QTMAN: variants seen among roughly 807,000 people sequenced by gnomAD.
The protein encoded by QTMAN is queuosine-tRNA mannosyltransferase, also known as tRNA-queuosine alpha-mannosyltransferase.
the QTMAN span, among the ~76,000 whole-genome samples, chr2:143,976,231 C>T: frequency 1.3e-5 from 2 of 151,992 alleles, no homozygotes; most frequent in Non-Finnish European, 2.9e-5. Context: ...AGAGTTGGTG[C>T]CTTCAGCCCA....
the QTMAN span, among the ~76,000 whole-genome samples, chr2:144,199,047 T>C: frequency 6.6e-6 from 1 of 151,068 alleles, no homozygotes; most frequent in African/African-American, 2.4e-5. Flanking sequence ...CTCTGTACTG[T>C]ACTTTTTTTT....
At chr2:144,232,567 A>T in the QTMAN span, among the ~76,000 whole-genome samples, 3 of 152,280 alleles carry the variant, frequency 2.0e-5, no homozygotes, top group African/African-American at 7.2e-5. Flanking sequence ...TATTGCCAAA[A>T]ATCATTGACA....
chr2:144,246,831 C>T, the QTMAN span, among the ~76,000 whole-genome samples: 1 of 152,094 alleles, frequency 6.6e-6, no homozygotes, highest in Admixed American at 6.5e-5. Flanking sequence ...CATCCTTATA[C>T]CCAGACATTC....
chr2:144,046,526 C>G, the QTMAN span, among the ~76,000 whole-genome samples: 86 of 152,310 alleles, frequency 5.6e-4, no homozygotes, highest in African/African-American at 2.0e-3. Flanking sequence ...GCGCATGCCA[C>G]CATGGCTGGC....
At chr2:143,977,715 T>C in the QTMAN span, among the ~76,000 whole-genome samples, 11 of 152,210 alleles carry the variant, frequency 7.2e-5, no homozygotes, top group African/African-American at 2.6e-4. Context: ...CTGCTTGAGA[T>C]TTCTATCATC....
the QTMAN span, among the ~76,000 whole-genome samples, chr2:144,131,268 C>G: frequency 5.9e-5 from 9 of 151,870 alleles, no homozygotes; most frequent in East Asian, 1.7e-3. Flanking sequence ...TTTCTCAATT[C>G]CAATAGCACA....
the QTMAN span, among the ~76,000 whole-genome samples, chr2:144,151,941 C>T: frequency 1.8e-3 from 272 of 152,254 alleles, no homozygotes; most frequent in African/African-American, 5.9e-3. Context: ...CACTGCCTAA[C>T]AAAATGTTTC....
At chr2:144,325,163 A>T in the QTMAN span, among the ~76,000 whole-genome samples, 2 of 152,346 alleles carry the variant, frequency 1.3e-5, no homozygotes, top group East Asian at 3.9e-4. Context: ...CCTCAATCCC[A>T]TATCTTTTAT....
chr2:144,055,130 T>C, the QTMAN span, among the ~76,000 whole-genome samples: 1 of 152,136 alleles, frequency 6.6e-6, no homozygotes, highest in Non-Finnish European at 1.5e-5. Flanking sequence ...TTTCAGTCCC[T>C]TGAGCTGGAA....
chr2:143,959,096 T>C, the QTMAN span, among the ~76,000 whole-genome samples: 1 of 152,084 alleles, frequency 6.6e-6, no homozygotes, highest in Non-Finnish European at 1.5e-5. Flanking sequence ...ACACCAACTA[T>C]GTCCTTAGTA....
chr2:144,276,746 T>C, the QTMAN span, among the ~76,000 whole-genome samples: 3 of 152,174 alleles, frequency 2.0e-5, no homozygotes, highest in Non-Finnish European at 4.4e-5. Flanking sequence ...ACTGGTTAAG[T>C]GGTAGGGATT....
At chr2:144,222,829 G>A in the QTMAN span, among the ~76,000 whole-genome samples, 1 of 152,010 alleles carries the variant, frequency 6.6e-6, no homozygotes, top group African/African-American at 2.4e-5. Flanking sequence ...AAGAAAGCTG[G>A]AAAATGTTAT....
chr2:144,258,756 T>A, the QTMAN span, among the ~76,000 whole-genome samples: 2 of 151,898 alleles, frequency 1.3e-5, no homozygotes, highest in Admixed American at 6.6e-5. Flanking sequence ...AAGAAATGAA[T>A]CAAACTAAAG....
At chr2:144,073,079 A>C in the QTMAN span, among the ~76,000 whole-genome samples, 1 of 152,098 alleles carries the variant, frequency 6.6e-6, no homozygotes, top group Non-Finnish European at 1.5e-5. Context: ...GTCAAACAGC[A>C]CTGTATGCAT....
chr2:143,978,644 G>A, the QTMAN span, among the ~76,000 whole-genome samples: 1,535 of 152,284 alleles, frequency 0.01, 28 homozygotes, highest in African/African-American at 0.035. Context: ...CTCCTGGGAT[G>A]TTACTTAAGC....
chr2:144,049,585 G>A, the QTMAN span, among the ~76,000 whole-genome samples: 8,831 of 152,052 alleles, frequency 0.058, 867 homozygotes, highest in African/African-American at 0.2. Flanking sequence ...ATCCAAACTT[G>A]GCATGTCTTT....
At chr2:144,003,420 TAAA>T in the QTMAN span, among the ~76,000 whole-genome samples, 1 of 142,808 alleles carries the variant, frequency 7.0e-6, no homozygotes, top group African/African-American at 2.6e-5. Flanking sequence ...AGAAAATAGT[TAAA>T]AAAAAAAAAA....
chr2:144,278,984 TTACAATAGAAGAA>T, the QTMAN span, among the ~76,000 whole-genome samples: 1 of 152,138 alleles, frequency 6.6e-6, no homozygotes, highest in Non-Finnish European at 1.5e-5. Context: ...TGCTTTCATT[TTACAATAGAAGAA>T]AATGAGATGT....
the QTMAN span, among the ~76,000 whole-genome samples, chr2:144,184,861 A>G: frequency 6.6e-6 from 1 of 152,142 alleles, no homozygotes; most frequent in African/African-American, 2.4e-5. Flanking sequence ...AATTTTAAAA[A>G]TAAGAGTTTA....
Sources: gnomAD v4.1 joint callset for allele counts (sites outside exome capture counted in the v4.1 genomes callset) on GRCh38, gnomAD v4.1.1 for gene constraint, MANE v1.5 for transcripts, NCBI Gene and HGNC (gene_info 2026-07-23, HGNC 2026-07-21) for gene names.